Variants in WASF3 observed in about 807,000 individuals in gnomAD.
WASF3 encodes the protein WASP family member 3, also known as actin-binding protein WASF3.
WASF3 carries 11 observed loss-of-function variants against 46.6 expected under a neutral mutation model. That is an observed-to-expected ratio of 0.24 (90% confidence interval 0.15 to 0.39). The LOEUF (loss-of-function observed/expected upper bound fraction) is 0.39, where lower values mean the gene tolerates loss of function less well. Ranked by LOEUF, WASF3 falls within the 10% of genes least tolerant of loss-of-function variation. The probability of loss-of-function intolerance (pLI) is 1.00; values close to 1 mark genes in which losing one functional copy is unlikely to be tolerated. For synonymous variants in WASF3, 242 were observed against 259.7 expected (o/e 0.93, Z 0.65); for missense variants, 576 against 669.8 (o/e 0.86, Z 1.55).
chr13:26,640,927 C>G (rs1881978163), intron 2 of WASF3: 1 of 152,086 alleles, frequency 6.6e-6, no homozygotes, highest in African/African-American at 2.4e-5. Context: ...TAGATCTTTT[C>G]TCTTCAAACA....
rs951799320 is a variant in WASF3, at chr13:26,642,265, T to C, written c.-6T>C. On this transcript the variant is annotated 5_prime_UTR_variant, in exon 3 of 10. Transcript: ENST00000335327. Reference sequence around the variant, plus strand: ...GAATGTGTTTTCAATTTTCAGATTGTGAACCATGCCTTTAGTGAAGAGGAA... The same window carrying C: ...GAATGTGTTTTCAATTTTCAGATTGCGAACCATGCCTTTAGTGAAGAGGAA... The C allele has an allele frequency of 3.2e-6, 5 of 1,549,876 alleles. No homozygotes were observed. In the African/African-American group the frequency reaches 4.2e-5, roughly 13 times the overall value.
At chr13:26,611,765 T>C (rs1880987539) in intron 1 of WASF3, among the ~76,000 whole-genome samples, 4 of 152,108 alleles carry the variant, frequency 2.6e-5, no homozygotes, top group Admixed American at 2.0e-4. Flanking sequence ...GAGAAGAAAA[T>C]TGTGTGCTGC....
intron 9 of WASF3, 53 bp from the exon 10 acceptor site, chr13:26,685,635 T>C: frequency 6.3e-7 from 1 of 1,591,410 alleles, no homozygotes; most frequent in Non-Finnish European, 8.6e-7. Flanking sequence ...CGTTTATCTT[T>C]AATTTGGAGC....
At chr13:26,648,568 A>C (rs188655483) in intron 3 of WASF3, among the ~76,000 whole-genome samples, 3 of 152,288 alleles carry the variant, frequency 2.0e-5, no homozygotes, top group Admixed American at 2.0e-4. Context: ...AGGAAGATAG[A>C]ACACAGTTTA....
At chr13:26,655,597 T>A (rs2137441947) in intron 3 of WASF3, among the ~76,000 whole-genome samples, 1 of 152,308 alleles carries the variant, frequency 6.6e-6, no homozygotes, top group South Asian at 2.1e-4. Context: ...TGATGATCCT[T>A]GACAGAAACA....
intron 8 of WASF3, 108 bp downstream of exon 8, chr13:26,681,428 C>T (rs1883228320): frequency 7.6e-7 from 1 of 1,317,924 alleles, no homozygotes; most frequent in Non-Finnish European, 1.0e-6. Context: ...AAGATAGAGT[C>T]AAGGATGACT....
chr13:26,656,045 T>C (rs1269126945), intron 3 of WASF3, among the ~76,000 whole-genome samples: 1 of 152,180 alleles, frequency 6.6e-6, no homozygotes, highest in Non-Finnish European at 1.5e-5. Context: ...CCAGTGTGTG[T>C]GCTAAAATTT....
intron 1 of WASF3, among the ~76,000 whole-genome samples, chr13:26,588,905 C>G (rs1017986125): frequency 8.5e-5 from 13 of 152,260 alleles, no homozygotes; most frequent in East Asian, 3.9e-4. Flanking sequence ...TCAAGTGATT[C>G]TCCCACCTCA....
At chr13:26,651,293 C>T (rs1238016855) in intron 3 of WASF3, among the ~76,000 whole-genome samples, 1 of 151,954 alleles carries the variant, frequency 6.6e-6, no homozygotes, top group African/African-American at 2.4e-5. Flanking sequence ...TGCACTCCAT[C>T]ATAGGCAACA....
chr13:26,553,256 T>C (rs1016624683), upstream of WASF3, among the ~76,000 whole-genome samples: 10 of 152,132 alleles, frequency 6.6e-5, no homozygotes, highest in African/African-American at 2.2e-4. Flanking sequence ...TCCCTGCTGC[T>C]AGATTTTATT....
chr13:26,661,481 A>G (rs1438494877), intron 3 of WASF3, among the ~76,000 whole-genome samples: 1 of 152,196 alleles, frequency 6.6e-6, no homozygotes, highest in East Asian at 1.9e-4. Flanking sequence ...ATAATACTCC[A>G]TTGTATGTGT....
At position 26,682,858 on chromosome 13, in the gene WASF3, C is replaced by A; in HGVS notation, c.1235C>A (p.Ser412Tyr). 1 of 1,611,702 alleles carries A rather than the reference C, an allele frequency of 6.2e-7. No homozygotes were observed. Among genetic ancestry groups the A allele is most frequent in the Non-Finnish European group, 8.5e-7 (1 of 1,179,944 alleles). ...PPPPGPPGPG[S>Y]SLSSSPMHGP... Reference sequence around the variant, plus strand: ...CCGCCAGGCCCTCCTGGTCCCGGGTCTTCTCTTTCGTCCTCCCCAATGCAT... The same window carrying A: ...CCGCCAGGCCCTCCTGGTCCCGGGTATTCTCTTTCGTCCTCCCCAATGCAT... Residue 412 changes from serine to tyrosine, a missense_variant, in exon 9 of 10, where the codon TCT (serine) becomes TAT (tyrosine). Transcript: ENST00000335327. The surrounding 1 kb of genome is among the most constrained non-coding windows in gnomAD (Gnocchi z 4.4).
intron 1 of WASF3, among the ~76,000 whole-genome samples, chr13:26,582,777 G>A (rs539737723): frequency 2.0e-3 from 306 of 150,068 alleles, no homozygotes; most frequent in African/African-American, 7.0e-3. Flanking sequence ...GTACTGTACC[G>A]AGAATAGAAA....
chr13:26,579,636 A>G (rs1275800310), intron 1 of WASF3, among the ~76,000 whole-genome samples: 2 of 152,174 alleles, frequency 1.3e-5, no homozygotes, highest in African/African-American at 4.8e-5. Context: ...TGAAAGAGAA[A>G]AAATAAACAA....
At chr13:26,632,407 T>C (rs903332575) in intron 2 of WASF3, among the ~76,000 whole-genome samples, 1 of 152,218 alleles carries the variant, frequency 6.6e-6, no homozygotes, top group Non-Finnish European at 1.5e-5. Flanking sequence ...GTCAAAGGCC[T>C]TTCCTGCATC....
chr13:26,674,320 C>T (rs182217761), intron 6 of WASF3, among the ~76,000 whole-genome samples: 2 of 152,150 alleles, frequency 1.3e-5, no homozygotes, highest in Non-Finnish European at 2.9e-5. Flanking sequence ...GCCAAAAGGC[C>T]GAGAAGCGAT....
chr13:26,593,694 T>G (rs1055387040), intron 1 of WASF3, among the ~76,000 whole-genome samples: 1 of 152,244 alleles, frequency 6.6e-6, no homozygotes, highest in African/African-American at 2.4e-5. Flanking sequence ...TACTGCATTT[T>G]ATATTCAGCA....
At chr13:26,670,611 T>TA (rs1447010304) in intron 5 of WASF3, among the ~76,000 whole-genome samples, 1 of 152,200 alleles carries the variant, frequency 6.6e-6, no homozygotes, top group Non-Finnish European at 1.5e-5. Flanking sequence ...ATGTACCTCT[T>TA]ATATGTCTTA....
chr13:26,597,355 G>A (rs555167383), intron 1 of WASF3, among the ~76,000 whole-genome samples: 98 of 152,300 alleles, frequency 6.4e-4, no homozygotes, highest in Admixed American at 1.4e-3. Flanking sequence ...GGCTGATCTC[G>A]AACTCCTGGC....
Sources: gnomAD v4.1 joint callset for allele counts (sites outside exome capture counted in the v4.1 genomes callset) on GRCh38, gnomAD v4.1.1 for gene constraint, Gnocchi (gnomAD v3.1) non-coding constraint, MANE v1.5 for transcripts, NCBI Gene and HGNC (gene_info 2026-07-23, HGNC 2026-07-21) for gene names.